The following P2RX5 variants were observed in gnomAD, a reference collection of about 807,000 sequenced individuals.
P2RX5 encodes the protein purinergic receptor P2X 5.
A neutral mutation model predicts 54.1 loss-of-function variants in P2RX5; 46 were observed. That is an observed-to-expected ratio of 0.85 (90% confidence interval 0.67 to 1.09). The LOEUF is 1.09. Ranked by LOEUF, P2RX5 falls within the 50% of genes least tolerant of loss-of-function variation. The pLI is 0.00. For synonymous variants in P2RX5, 226 were observed against 226.4 expected, an observed-to-expected ratio of 1.00 and a Z score of 0.02; for missense variants, 566 against 549.8, an observed-to-expected ratio of 1.03 and a Z score of -0.29.
intron 6 of P2RX5, among the ~76,000 whole-genome samples, chr17:3,689,846 ACACGCGTG>A (rs1228147747): frequency 6.6e-6 from 1 of 152,192 alleles, no homozygotes; most frequent in African/African-American, 2.4e-5. Context: ...ACACACGCAC[ACACGCGTG>A]CACGCACGCA....
At chr17:3,707,033 A>T in the P2RX5 span, among the ~76,000 whole-genome samples, 85 of 152,350 alleles carry the variant, frequency 5.6e-4, no homozygotes, top group Admixed American at 1.6e-3. Context: ...CTGCTGCTTT[A>T]AGGCATTAAT....
At chr17:3,703,524 TA>T in the P2RX5 span, among the ~76,000 whole-genome samples, 1 of 150,432 alleles carries the variant, frequency 6.6e-6, no homozygotes, top group East Asian at 2.0e-4. Flanking sequence ...AGGGATACTT[TA>T]AAAAAAAAGA....
the P2RX5 span, among the ~76,000 whole-genome samples, chr17:3,712,706 T>G: frequency 0.39 from 59,986 of 152,052 alleles, 13,716 homozygotes; most frequent in South Asian, 0.59. Context: ...CAGCACTTTG[T>G]GAGCCTGAGG....
chr17:3,690,959 A>T lies in P2RX5; in HGVS notation c.357T>A (p.Ala119=), dbSNP rs2050599158. 6.2e-7 allele frequency: 1 copy of T among 1,605,846 alleles called. No homozygotes were observed. ...VTPNQRQNVC[A]ENEGIPDGAC... ...AGGGCCCCTCGCCAAATCAAACCTC[A>T]GCACAGACGTTCTGCCGCTGGTTGG... is the stretch of plus-strand genomic sequence containing the variant. The change falls in exon 3 of 12, where the codon GCT becomes GCA. Residue 119 remains alanine (A), a synonymous_variant. Transcript: ENST00000225328.
At chr17:3,718,581 C>T in the P2RX5 span, among the ~76,000 whole-genome samples, 2 of 152,304 alleles carry the variant, frequency 1.3e-5, no homozygotes, top group African/African-American at 4.8e-5. Flanking sequence ...CATAGAGTCA[C>T]TGTAAGTCAG....
chr17:3,723,830 G>A, the P2RX5 span: 4 of 1,553,208 alleles, frequency 2.6e-6, no homozygotes, highest in East Asian at 2.3e-5. Context: ...CTGGCGAGGT[G>A]CGCATGCGCA....
chr17:3,723,382 T>C, the P2RX5 span: 2 of 1,610,694 alleles, frequency 1.2e-6, no homozygotes, highest in African/African-American at 1.3e-5. Flanking sequence ...TTCTTCCACA[T>C]GCTGGAAAAG....
At chr17:3,717,790 A>G in the P2RX5 span, 7 of 152,198 alleles carry the variant, frequency 4.6e-5, no homozygotes, top group Non-Finnish European at 1.0e-4. Context: ...TGAACTAAAT[A>G]GGAGTGAAGT....
At chr17:3,694,212 A>G (rs1272952425) in intron 1 of P2RX5, among the ~76,000 whole-genome samples, 1 of 138,334 alleles carries the variant, frequency 7.2e-6, no homozygotes, top group African/African-American at 2.6e-5. Context: ...AAAACATGAC[A>G]CCAAGTGAAA....
chr17:3,722,082 G>C, the P2RX5 span, among the ~76,000 whole-genome samples: 1 of 152,212 alleles, frequency 6.6e-6, no homozygotes, highest in Non-Finnish European at 1.5e-5. Context: ...GGGAGGCTGA[G>C]GCAGGAGAAT....
chr17:3,723,453 G>A, the P2RX5 span: 3 of 1,181,180 alleles, frequency 2.5e-6, no homozygotes, highest in African/African-American at 1.5e-5. Context: ...TTAACACTTC[G>A]GACACAGAGC....
intron 1 of P2RX5, among the ~76,000 whole-genome samples, chr17:3,694,772 C>T (rs1443378142): frequency 2.0e-5 from 3 of 152,230 alleles, no homozygotes; most frequent in African/African-American, 7.2e-5. Context: ...CTGCTGGGGC[C>T]CCACCCTCAG....
At chr17:3,719,599 G>C in the P2RX5 span, among the ~76,000 whole-genome samples, 1 of 152,204 alleles carries the variant, frequency 6.6e-6, no homozygotes, top group Non-Finnish European at 1.5e-5. Flanking sequence ...CCAGTATCTA[G>C]TCTAAATCTT....
upstream of P2RX5, among the ~76,000 whole-genome samples, chr17:3,696,979 T>TC (rs886668420): frequency 6.6e-5 from 10 of 152,076 alleles, no homozygotes; most frequent in African/African-American, 2.4e-4. Context: ...ACAAGACTTG[T>TC]CCCACCTGAG....
At chr17:3,681,862 G>T in intron 10 of P2RX5, 34 bp downstream of exon 10, 1 of 1,452,706 alleles carries the variant, frequency 6.9e-7, no homozygotes, top group Non-Finnish European at 9.7e-7. Flanking sequence ...CCACAGGGCT[G>T]CCCTCGGGCC....
chr17:3,716,589 G>A, the P2RX5 span: 1 of 724,154 alleles, frequency 1.4e-6, no homozygotes, highest in Admixed American at 2.3e-5. Context: ...ACGAGGCCAG[G>A]GCAGCTGCTC....
At chr17:3,695,366 C>A (rs2050728012) in intron 1 of P2RX5, among the ~76,000 whole-genome samples, 2 of 152,132 alleles carry the variant, frequency 1.3e-5, no homozygotes, top group South Asian at 4.1e-4. Flanking sequence ...GCGGGTGGGG[C>A]AAGTTGACCG....
the P2RX5 span, among the ~76,000 whole-genome samples, chr17:3,712,562 G>C: frequency 6.6e-6 from 1 of 152,300 alleles, no homozygotes; most frequent in Non-Finnish European, 1.5e-5. Flanking sequence ...GCCAAAAGTA[G>C]AAATATCAGA....
chr17:3,694,488 G>T (rs1044365569), intron 1 of P2RX5, among the ~76,000 whole-genome samples: 3 of 152,172 alleles, frequency 2.0e-5, no homozygotes, highest in Admixed American at 2.0e-4. Context: ...TTATAGGCAT[G>T]AGCCACAGCG....
Sources: gnomAD v4.1 joint callset for allele counts (sites outside exome capture counted in the v4.1 genomes callset) on GRCh38, gnomAD v4.1.1 for gene constraint, MANE v1.5 for transcripts, NCBI Gene and HGNC (gene_info 2026-07-23, HGNC 2026-07-21) for gene names.